GAS2: variants seen among roughly 807,000 people sequenced by gnomAD.
GAS2 encodes the protein growth arrest-specific protein 2.
GAS2 carries 20 observed loss-of-function variants against 37.5 expected under a neutral mutation model. The observed-to-expected ratio is 0.53, with a 90% CI of 0.37 to 0.77. The LOEUF is 0.77. Among genes scored for constraint, GAS2 ranks in the 30% least tolerant of loss-of-function variants. The pLI is 0.00. For missense variants in GAS2, 336 were observed against 373.4 expected (o/e 0.90, Z 0.82); for synonymous variants, 144 against 132.2 (o/e 1.09, Z -0.61).
intron 1 of GAS2, among the ~76,000 whole-genome samples, chr11:22,643,459 A>G (rs1436371502): frequency 2.1e-5 from 1 of 47,784 alleles, no homozygotes; most frequent in East Asian, 4.5e-4. Flanking sequence ...ATCTGTTTTG[A>G]AAAAAAAAAA....
chr11:22,638,639 C>G (rs1056996672), intron 1 of GAS2, among the ~76,000 whole-genome samples: 1 of 152,084 alleles, frequency 6.6e-6, no homozygotes, highest in Admixed American at 6.5e-5. Context: ...AGCCGTTGCA[C>G]GCAGCTTGCT....
intron 2 of GAS2, among the ~76,000 whole-genome samples, chr11:22,678,477 CAT>C (rs943637938): frequency 5.3e-5 from 8 of 152,042 alleles, no homozygotes; most frequent in South Asian, 2.1e-4. Context: ...ACGTAAAAAA[CAT>C]AAAAAGATGA....
At chr11:22,782,844 C>A (rs1855629469) in intron 7 of GAS2, among the ~76,000 whole-genome samples, 1 of 144,948 alleles carries the variant, frequency 6.9e-6, no homozygotes, top group South Asian at 2.2e-4. Context: ...ATCCAATCTA[C>A]AACTGATGGC....
intron 1 of GAS2, among the ~76,000 whole-genome samples, chr11:22,647,956 T>A (rs1315105805): frequency 6.6e-6 from 1 of 152,162 alleles, no homozygotes; most frequent in Non-Finnish European, 1.5e-5. Flanking sequence ...TTTTGGCTTT[T>A]GTTGCCATTG....
intron 6 of GAS2, among the ~76,000 whole-genome samples, chr11:22,749,597 G>A (rs999414617): frequency 5.3e-5 from 8 of 152,002 alleles, no homozygotes; most frequent in Non-Finnish European, 7.4e-5. Context: ...CTGAAAACAA[G>A]ATCTTGAGGA....
intron 1 of GAS2, among the ~76,000 whole-genome samples, chr11:22,630,909 A>T (rs1025058697): frequency 5.3e-5 from 8 of 152,160 alleles, no homozygotes; most frequent in Non-Finnish European, 7.3e-5. Flanking sequence ...TAGGAACTGC[A>T]TTGAATCTGT....
At chr11:22,770,920 T>A (rs1854945130) in intron 7 of GAS2, among the ~76,000 whole-genome samples, 1 of 152,152 alleles carries the variant, frequency 6.6e-6, no homozygotes, top group South Asian at 2.1e-4. Context: ...TATCTTCTTG[T>A]TTCAGTAGGG....
intron 3 of GAS2, among the ~76,000 whole-genome samples, chr11:22,712,474 A>G (rs982458754): frequency 3.3e-5 from 5 of 152,204 alleles, no homozygotes; most frequent in African/African-American, 1.2e-4. Context: ...TCTGGCTCTC[A>G]GGAAGCCCTA....
chr11:22,677,690 T>C (rs545288191), intron 2 of GAS2, among the ~76,000 whole-genome samples: 33 of 152,234 alleles, frequency 2.2e-4, no homozygotes, highest in African/African-American at 7.9e-4. Context: ...GATCCTTGGA[T>C]TAAAAATCAG....
intron 1 of GAS2, among the ~76,000 whole-genome samples, chr11:22,652,509 C>T (rs529833980): frequency 6.8e-4 from 104 of 152,336 alleles, no homozygotes; most frequent in Non-Finnish European, 1.2e-3. Context: ...GGCGGGCGCC[C>T]CTTCCCCAGC....
At chr11:22,656,814 C>T (rs1385426930) in intron 1 of GAS2, among the ~76,000 whole-genome samples, 6 of 152,014 alleles carry the variant, frequency 3.9e-5, no homozygotes, top group Non-Finnish European at 5.9e-5. Flanking sequence ...GTCGAGGAGG[C>T]GTACTTATAG....
chr11:22,791,148 T>C (rs1371709462), intron 7 of GAS2, among the ~76,000 whole-genome samples: 2 of 152,082 alleles, frequency 1.3e-5, no homozygotes, highest in Admixed American at 6.5e-5. Context: ...AAATGGTAAA[T>C]TTGAGATTTG....
chr11:22,787,378 A>G (rs183178959), intron 7 of GAS2, among the ~76,000 whole-genome samples: 1 of 152,156 alleles, frequency 6.6e-6, no homozygotes, highest in African/African-American at 2.4e-5. Flanking sequence ...TGTTGTTCCT[A>G]TTATTCAGTA....
chr11:22,727,642 G>A (rs337450), intron 4 of GAS2, among the ~76,000 whole-genome samples: 136,099 of 152,014 alleles, frequency 0.9, 62,671 homozygotes, highest in East Asian at 1. Context: ...GAAACAGAAT[G>A]ATCTCACAGT....
chr11:22,750,912 T>C (rs2134300260), intron 6 of GAS2, among the ~76,000 whole-genome samples: 1 of 152,086 alleles, frequency 6.6e-6, no homozygotes, highest in East Asian at 1.9e-4. Context: ...CTGGCTAATG[T>C]CCCTCTTATC....
intron 7 of GAS2, among the ~76,000 whole-genome samples, chr11:22,810,562 A>G (rs1399483846): frequency 1.3e-5 from 2 of 152,212 alleles, no homozygotes; most frequent in African/African-American, 4.8e-5. Context: ...AATACATTTA[A>G]TTCTTATAAA....
intron 7 of GAS2, among the ~76,000 whole-genome samples, chr11:22,793,733 A>C (rs1856293194): frequency 6.6e-6 from 1 of 152,220 alleles, no homozygotes; most frequent in African/African-American, 2.4e-5. Flanking sequence ...TAATTCAGTC[A>C]TGGCCTTGTC....
At position 22,697,328 on chromosome 11, in the gene GAS2, G is replaced by A. The variant is rs192060585; in HGVS notation, c.267+11539G>A. 5.8e-3 allele frequency among the ~76,000 whole-genome samples: 887 copies of A among 152,236 alleles called. 12 individuals carry two copies. Among genetic ancestry groups the A allele is most frequent in the African/African-American group, 0.019 (806 of 41,524 alleles). ...ATCTCTGTTTTGGTACCAGTACCAT[G>A]CTGTTTTGGTTACTGTAGCCTTGTA... On this transcript the variant is annotated intron_variant, in intron 3 of 7. Transcript: ENST00000454584.
intron 1 of GAS2, among the ~76,000 whole-genome samples, chr11:22,650,986 A>G (rs370702134): frequency 6.6e-6 from 1 of 152,072 alleles, no homozygotes; most frequent in Non-Finnish European, 1.5e-5. Context: ...TATTTTGCTC[A>G]TTAGTTGATG....
Sources: gnomAD v4.1 joint callset for allele counts (sites outside exome capture counted in the v4.1 genomes callset) on GRCh38, gnomAD v4.1.1 for gene constraint, MANE v1.5 for transcripts, NCBI Gene and HGNC (gene_info 2026-07-23, HGNC 2026-07-21) for gene names.